AFF3: variants seen among roughly 807,000 people sequenced by gnomAD.
AFF3 encodes AF4/FMR2 family member 3.
Under a neutral mutation model 129.7 loss-of-function variants are expected in AFF3, and 32 were observed. That is an observed-to-expected ratio of 0.25 (90% CI 0.19 to 0.33). The LOEUF (loss-of-function observed/expected upper bound fraction) is 0.33, where lower values mean the gene tolerates loss of function less well. AFF3 is among the 10% of genes least tolerant of loss of function. AFF3 has a pLI of 1.00. For synonymous variants in AFF3, 644 were observed against 635.4 expected (o/e 1.01, Z -0.20); for missense variants, 1,373 against 1,592.0 (o/e 0.86, Z 2.34).
At chr2:100,044,936 A>T (rs1559083183) in intron 4 of AFF3, among the ~76,000 whole-genome samples, 2 of 152,216 alleles carry the variant, frequency 1.3e-5, no homozygotes, top group East Asian at 3.9e-4. Flanking sequence ...TCAAGCAGAC[A>T]TGAAGAGAGA....
intron 8 of AFF3, among the ~76,000 whole-genome samples, chr2:99,785,356 G>A (rs559863279): frequency 4.6e-5 from 7 of 152,284 alleles, no homozygotes; most frequent in African/African-American, 7.2e-5. Flanking sequence ...TAAAGTAATA[G>A]CACAGAAGTG....
intron 15 of AFF3, among the ~76,000 whole-genome samples, chr2:99,588,737 G>C (rs550275148): frequency 6.6e-6 from 1 of 152,102 alleles, no homozygotes. Context: ...CCAAAGCTCC[G>C]AGTTCTTAGT....
In AFF3 at chr2:99,552,384, C is replaced by T. The variant is rs912098168; in HGVS notation, c.3560-789G>A. 3.9e-5 allele frequency among the ~76,000 whole-genome samples: 6 copies of T among 152,110 alleles called. No individual in the cohort carries two copies. The East Asian group carries it at 7.7e-4, about 20-fold the overall frequency. On this transcript the variant is annotated intron_variant, in intron 24 of 24. Transcript: ENST00000672756. ...CAGCCTGGGCCACAGAGCAAGACTC[C>T]GCCTCAAAAACAAACAAATATCTAT...
intron 18 of AFF3, among the ~76,000 whole-genome samples, chr2:99,570,160 C>T (rs1676345795): frequency 6.6e-6 from 1 of 152,158 alleles, no homozygotes; most frequent in Non-Finnish European, 1.5e-5. Context: ...CCTAGGAAGG[C>T]CCTGCTCCTG....
At chr2:99,693,002 AG>A (rs1370149081) in intron 11 of AFF3, among the ~76,000 whole-genome samples, 2 of 152,212 alleles carry the variant, frequency 1.3e-5, no homozygotes, top group Admixed American at 6.5e-5. Flanking sequence ...CGCCCTCTGC[AG>A]GGCAAACTGC....
intron 7 of AFF3, among the ~76,000 whole-genome samples, chr2:99,911,600 T>C (rs1252109162): frequency 6.6e-6 from 1 of 152,112 alleles, no homozygotes; most frequent in Non-Finnish European, 1.5e-5. Flanking sequence ...GAAATGCAGC[T>C]TGTAAATGCA....
intron 4 of AFF3, among the ~76,000 whole-genome samples, chr2:100,069,082 A>AC (rs1431561837): frequency 6.7e-6 from 1 of 149,462 alleles, no homozygotes; most frequent in East Asian, 2.0e-4. Context: ...CTCTCTAGTT[A>AC]TTTTTTTTTT....
intron 7 of AFF3, among the ~76,000 whole-genome samples, chr2:99,964,908 G>A (rs1240169285): frequency 6.6e-6 from 1 of 152,146 alleles, no homozygotes; most frequent in Non-Finnish European, 1.5e-5. Flanking sequence ...ATCTCCTTGT[G>A]TTTTTTCTTA....
chr2:100,044,131 C>T (rs1000053393), intron 4 of AFF3, among the ~76,000 whole-genome samples: 3 of 152,136 alleles, frequency 2.0e-5, no homozygotes, highest in Admixed American at 6.5e-5. Flanking sequence ...GGGTGGTGTG[C>T]GGCTGTCTTG....
chr2:100,020,797 C>G (rs1017661746), intron 4 of AFF3, among the ~76,000 whole-genome samples: 1 of 152,242 alleles, frequency 6.6e-6, no homozygotes, highest in Non-Finnish European at 1.5e-5. Context: ...CAGCCCCCTG[C>G]AGAGCCTCCT....
At chr2:100,012,793 C>T (rs1487606219) in intron 4 of AFF3, among the ~76,000 whole-genome samples, 1 of 152,206 alleles carries the variant, frequency 6.6e-6, no homozygotes, top group African/African-American at 2.4e-5. Flanking sequence ...AATTCCAATT[C>T]CCGGCATGCC....
chr2:99,707,715 T>C (rs1558770521), intron 11 of AFF3: 2 of 882,032 alleles, frequency 2.3e-6, no homozygotes, highest in South Asian at 5.2e-5. Flanking sequence ...TTTTTTTTTC[T>C]TTTTTTGGCC....
intron 14 of AFF3, 113 bp downstream of exon 14, chr2:99,601,322 G>A: frequency 7.9e-7 from 1 of 1,270,118 alleles, no homozygotes; most frequent in Non-Finnish European, 1.0e-6. Context: ...CCTGGCTTGG[G>A]GTCTGCAGGA....
At chr2:99,743,087 C>T (rs1680850826) in intron 10 of AFF3, among the ~76,000 whole-genome samples, 1 of 152,160 alleles carries the variant, frequency 6.6e-6, no homozygotes. Flanking sequence ...CTAAATTCAT[C>T]ATTTTCTTCA....
At chr2:99,775,729 T>C (rs1417830078) in intron 8 of AFF3, among the ~76,000 whole-genome samples, 2 of 151,160 alleles carry the variant, frequency 1.3e-5, no homozygotes, top group African/African-American at 2.4e-5. Context: ...CCATTCCTCA[T>C]GGCTCATCCT....
chr2:99,650,805 T>C (rs1685171073), intron 12 of AFF3, among the ~76,000 whole-genome samples: 1 of 137,836 alleles, frequency 7.3e-6, no homozygotes, highest in Non-Finnish European at 1.6e-5. Flanking sequence ...AATGTGTGTG[T>C]GTGTGTGTGT....
intron 2 of AFF3, among the ~76,000 whole-genome samples, chr2:100,128,190 C>T (rs966753978): frequency 1.1e-4 from 16 of 152,280 alleles, no homozygotes; most frequent in South Asian, 6.2e-4. Context: ...CAGCAGCCCT[C>T]GGGGCTGCTC....
At chr2:99,712,852 T>C (rs889108409) in intron 11 of AFF3, among the ~76,000 whole-genome samples, 11 of 152,168 alleles carry the variant, frequency 7.2e-5, no homozygotes, top group African/African-American at 2.4e-4. Context: ...CATTGACGGA[T>C]AAATGGATAA....
intron 4 of AFF3, among the ~76,000 whole-genome samples, chr2:100,032,326 G>A (rs555753227): frequency 2.0e-5 from 3 of 152,238 alleles, no homozygotes; most frequent in African/African-American, 7.2e-5. Flanking sequence ...CTACTCAGGA[G>A]GCTGAGGCAG....
Sources: allele counts gnomAD v4.1 joint callset (sites outside exome capture counted in the v4.1 genomes callset), GRCh38; gene constraint gnomAD v4.1.1; transcripts MANE v1.5; gene names NCBI Gene and HGNC (gene_info 2026-07-23, HGNC 2026-07-21).